MTNR1B: variants seen among roughly 807,000 people sequenced by gnomAD.
MTNR1B encodes the protein melatonin receptor 1B.
In MTNR1B, 7 loss-of-function variants were observed where a neutral mutation model predicts 7.0. The ratio of observed to expected loss-of-function variants is 1.00; its 90% confidence interval spans 0.57 to 1.88. The LOEUF is 1.88. MTNR1B is among the 40% of genes most tolerant of loss of function. The pLI, the probability that MTNR1B is intolerant of heterozygous loss-of-function variation, is 0.00. For synonymous variants in MTNR1B, 226 were observed against 208.2 expected, an observed-to-expected ratio of 1.09 and a Z score of -0.74; for missense variants, 478 against 486.5, an observed-to-expected ratio of 0.98 and a Z score of 0.16.
chr11:92,982,099 T>C lies in MTNR1B; in HGVS notation c.876T>C (p.Thr292=). The C allele has an allele frequency of 6.2e-7, 1 of 1,614,216 alleles. No homozygotes were observed. Among genetic ancestry groups the C allele is most frequent in the Non-Finnish European group, 8.5e-7 (1 of 1,180,046 alleles). Residue 292 remains threonine (T), a synonymous_variant, in exon 2 of 2, where the codon ACT becomes ACC. Transcript: ENST00000257068. ...AGATCCCTGAGGGGCTATTTGTCAC[T>C]AGCTACTTACTGGCTTATTTCAACA... ...APQIPEGLFV[T]SYLLAYFNSC...
At chr11:92,980,943 C>T (rs950982717) in intron 1 of MTNR1B, among the ~76,000 whole-genome samples, 11 of 152,154 alleles carry the variant, frequency 7.2e-5, no homozygotes, top group Admixed American at 5.9e-4. Flanking sequence ...TAGAAAGTAG[C>T]CTGTTAACCA....
At chr11:92,971,591 G>C (rs1361001836) in intron 1 of MTNR1B, among the ~76,000 whole-genome samples, 1 of 152,176 alleles carries the variant, frequency 6.6e-6, no homozygotes, top group African/African-American at 2.4e-5. Flanking sequence ...GGGTCCTCCT[G>C]GTTCTGACAT....
At chr11:92,983,172 C>A (rs571407126), downstream of MTNR1B, among the ~76,000 whole-genome samples, 3 of 152,122 alleles carry the variant, frequency 2.0e-5, no homozygotes, top group East Asian at 5.8e-4. Flanking sequence ...GAGGACAGTG[C>A]CTGACATGTG....
chr11:92,981,189 T>C (rs543313376), intron 1 of MTNR1B, among the ~76,000 whole-genome samples: 45 of 152,324 alleles, frequency 3.0e-4, no homozygotes, highest in Non-Finnish European at 6.0e-4. Context: ...CATTAATTCT[T>C]ACAGCTATAC....
At chr11:92,975,159 C>T (rs1225724019) in intron 1 of MTNR1B, among the ~76,000 whole-genome samples, 3 of 152,200 alleles carry the variant, frequency 2.0e-5, no homozygotes, top group Admixed American at 6.5e-5. Flanking sequence ...GCTGAGAGAA[C>T]CATGTCCTCA....
At chr11:92,972,191 C>T (rs561119068) in intron 1 of MTNR1B, among the ~76,000 whole-genome samples, 20 of 152,184 alleles carry the variant, frequency 1.3e-4, no homozygotes, top group African/African-American at 3.9e-4. Flanking sequence ...ATTTAAGAAA[C>T]GCTTCTTCAG....
At chr11:92,971,022 T>C (rs1348404758) in intron 1 of MTNR1B, among the ~76,000 whole-genome samples, 1 of 151,996 alleles carries the variant, frequency 6.6e-6, no homozygotes, top group Non-Finnish European at 1.5e-5. Flanking sequence ...TGCAGTGGCA[T>C]GGTCTAGGCT....
downstream of MTNR1B, among the ~76,000 whole-genome samples, chr11:92,983,225 A>G (rs1419659780): frequency 2.6e-5 from 4 of 152,152 alleles, no homozygotes; most frequent in East Asian, 5.8e-4. Flanking sequence ...TATTATAACT[A>G]CATAAAATGA....
chr11:92,984,940 G>A (rs1362515189), downstream of MTNR1B: 1 of 456,116 alleles, frequency 2.2e-6, no homozygotes, highest in Admixed American at 2.4e-5. Flanking sequence ...TGCTTTTGCG[G>A]AAACAGCAAA....
chr11:92,982,936 A>ACCCCCCCCCCCCCCCCCCCCCCCC (rs71473980), downstream of MTNR1B, among the ~76,000 whole-genome samples: 1 of 49,168 alleles, frequency 2.0e-5, no homozygotes, highest in African/African-American at 7.4e-5. Context: ...AACACACTGC[A>ACCCCCCCCCCCCCCCCCCCCCCCC]CCCCCCCCCC....
intron 1 of MTNR1B, among the ~76,000 whole-genome samples, chr11:92,976,870 G>GTTTC (rs1227023028): frequency 6.7e-6 from 1 of 149,876 alleles, no homozygotes; most frequent in Non-Finnish European, 1.5e-5. Flanking sequence ...CTGGGTGTCT[G>GTTTC]TTTCTTTATC....
chr11:92,978,205 A>ATATT (rs1331719663), intron 1 of MTNR1B, among the ~76,000 whole-genome samples: 6 of 152,324 alleles, frequency 3.9e-5, no homozygotes, highest in African/African-American at 1.2e-4. Context: ...TATCTGACGA[A>ATATT]TATTAGATAG....
At position 92,969,878 on chromosome 11, in the gene MTNR1B, C is replaced by T. The variant is rs1430824668; in HGVS notation, c.153C>T (p.Thr51=). ...TGTCCGCGGTGCTCATCGTCACCAC[C>T]GCCGTGGACGTCGTGGGCAACCTCC... is the stretch of plus-strand genomic sequence containing the variant. ...PALSAVLIVT[T]AVDVVGNLLV... The change falls in exon 1 of 2, where the codon ACC becomes ACT. Residue 51 remains threonine, a synonymous_variant. Coordinates refer to ENST00000257068, the MANE Select transcript of MTNR1B (RefSeq NM_005959.5). The T allele has an allele frequency of 5.0e-6, 8 of 1,612,010 alleles. No individual in the cohort carries two copies. The African/African-American group carries it at 6.7e-5, about 13-fold the overall frequency.
chr11:92,972,244 A>G (rs1258164683), intron 1 of MTNR1B, among the ~76,000 whole-genome samples: 1 of 149,912 alleles, frequency 6.7e-6, no homozygotes. Context: ...CATTGGTATT[A>G]AAAAATTAAG....
At position 92,982,772 on chromosome 11, in the gene MTNR1B, G is replaced by C. The variant is rs948809279; in HGVS notation, c.*460G>C. ...ACTGCAAGGGCCTCAGGTGGGGCAG[G>C]TGCAGAGGGCAAGCATTCCACACTC... On this transcript the variant is annotated 3_prime_UTR_variant, in exon 2 of 2. Coordinates refer to ENST00000257068, the MANE Select transcript of MTNR1B (RefSeq NM_005959.5). 4 of 199,630 alleles carry C rather than the reference G, an allele frequency of 2.0e-5. No individual in the cohort carries two copies. The highest frequency in any genetic ancestry group is 1.0e-5 in the Non-Finnish European group (1 of 97,854). 12.4% of individuals were successfully genotyped at this position (199,630 alleles called of 1,614,324 possible).
Position 92,982,360 on chromosome 11 carries a change from G to A in MTNR1B, c.*48G>A. 6.4e-7 allele frequency: 1 copy of A among 1,572,410 alleles called. No individual in the cohort carries two copies. Among genetic ancestry groups the A allele is most frequent in the Non-Finnish European group, 8.6e-7 (1 of 1,161,802 alleles). ...AGCATGACAAACTCATGAAATGGTG[G>A]GAGAGAGTCTGCTGCAAGGGTGAGA... On this transcript the variant is annotated 3_prime_UTR_variant, in exon 2 of 2. Coordinates refer to ENST00000257068, the MANE Select transcript of MTNR1B (RefSeq NM_005959.5).
chr11:92,981,019 G>T (rs1319150818), intron 1 of MTNR1B, among the ~76,000 whole-genome samples: 1 of 152,166 alleles, frequency 6.6e-6, no homozygotes, highest in East Asian at 1.9e-4. Flanking sequence ...ATGTGAGGGA[G>T]CGATGATAGT....
chr11:92,974,642 C>T (rs1223684695), intron 1 of MTNR1B, among the ~76,000 whole-genome samples: 1 of 151,466 alleles, frequency 6.6e-6, no homozygotes, highest in Non-Finnish European at 1.5e-5. Context: ...CTTGCTGTCG[C>T]CCAGGCTGGA....
chr11:92,973,569 C>T (rs78938799), intron 1 of MTNR1B, among the ~76,000 whole-genome samples: 2,274 of 152,336 alleles, frequency 0.015, 35 homozygotes, highest in Middle Eastern at 0.027. Flanking sequence ...TCTACCTCTT[C>T]TGCCCAGTCA....
Sources: allele counts gnomAD v4.1 joint callset (sites outside exome capture counted in the v4.1 genomes callset), GRCh38; gene constraint gnomAD v4.1.1; transcripts MANE v1.5; gene names NCBI Gene and HGNC (gene_info 2026-07-23, HGNC 2026-07-21).